PRKN: variants seen among roughly 807,000 people sequenced by gnomAD.
The protein encoded by PRKN is parkin RBR E3 ubiquitin protein ligase.
PRKN carries 56 observed loss-of-function variants against 59.5 expected under a neutral mutation model. That is an observed-to-expected ratio of 0.94 (90% CI 0.76 to 1.18). The LOEUF (loss-of-function observed/expected upper bound fraction) is 1.18. Among genes scored for constraint, PRKN ranks in the 50% most tolerant of loss-of-function variants. PRKN has a pLI of 0.00. For synonymous variants in PRKN, 250 were observed against 222.1 expected (o/e 1.13, Z -1.12); for missense variants, 657 against 596.4 (o/e 1.10, Z -1.06).
chr6:162,635,909 T>A (rs558300668), intron 1 of PRKN, among the ~76,000 whole-genome samples: 2 of 152,090 alleles, frequency 1.3e-5, no homozygotes, highest in Admixed American at 1.3e-4. Context: ...CGAGGCATGT[T>A]TGGAGAAAAA....
In PRKN at chr6:161,390,543, C is replaced by T. The variant is rs1401202249; in HGVS notation, c.1084-3666G>A. 6.6e-6 allele frequency among the ~76,000 whole-genome samples: 1 copy of T among 152,200 alleles called. No individual in the cohort carries two copies. Among genetic ancestry groups the T allele is most frequent in the East Asian group, 1.9e-4 (1 of 5,192 alleles). ...TTGCTCTGTTGCCCAGGCTGGAGTGCAGTGGCACCATCTCGGCTCACTGCA... is the reference window on the plus strand; with the variant it reads ...TTGCTCTGTTGCCCAGGCTGGAGTGTAGTGGCACCATCTCGGCTCACTGCA... On this transcript the variant is annotated intron_variant, in intron 9 of 11. Coordinates refer to ENST00000366898, the MANE Select transcript of PRKN (RefSeq NM_004562.3). The surrounding 1 kb of genome is among the most constrained non-coding windows in gnomAD (Gnocchi z 7.0).
chr6:161,564,063 A>T (rs1197536624), intron 8 of PRKN, among the ~76,000 whole-genome samples: 1 of 152,218 alleles, frequency 6.6e-6, no homozygotes, highest in Non-Finnish European at 1.5e-5. Flanking sequence ...CTTGTAACAG[A>T]CATTAATATA....
At chr6:161,791,014 T>C (rs906874466) in intron 6 of PRKN, among the ~76,000 whole-genome samples, 2 of 152,192 alleles carry the variant, frequency 1.3e-5, no homozygotes, top group Admixed American at 6.5e-5. Flanking sequence ...TATCCTCTCA[T>C]GGGTCTTTTG....
chr6:162,277,180 T>C (rs2128105312), intron 2 of PRKN, among the ~76,000 whole-genome samples: 1 of 152,238 alleles, frequency 6.6e-6, no homozygotes, highest in East Asian at 1.9e-4. Flanking sequence ...GGATCCAAGA[T>C]TGGTGGGAAT....
intron 1 of PRKN, among the ~76,000 whole-genome samples, chr6:162,576,850 A>G (rs112572858): frequency 6.7e-6 from 1 of 150,036 alleles, no homozygotes; most frequent in East Asian, 2.0e-4. Flanking sequence ...CTTATTGTAC[A>G]TTTTGAATAA....
chr6:161,926,052 G>A (rs1453945349), intron 6 of PRKN, among the ~76,000 whole-genome samples: 2 of 152,164 alleles, frequency 1.3e-5, no homozygotes, highest in Non-Finnish European at 2.9e-5. Context: ...TGCAGTAGAA[G>A]CTGAAGTAAG....
chr6:162,725,570 G>C (rs1353146167), intron 1 of PRKN, among the ~76,000 whole-genome samples: 1 of 151,814 alleles, frequency 6.6e-6, no homozygotes, highest in Non-Finnish European at 1.5e-5. Flanking sequence ...GACCAGCCTG[G>C]GCAACATTAT....
chr6:162,119,404 T>C (rs1780812221), intron 4 of PRKN, among the ~76,000 whole-genome samples: 1 of 152,138 alleles, frequency 6.6e-6, no homozygotes, highest in Non-Finnish European at 1.5e-5. Context: ...TCCAAACTCT[T>C]CCACACTCTG....
At chr6:162,352,406 AT>A (rs1784661768) in intron 2 of PRKN, among the ~76,000 whole-genome samples, 1 of 152,182 alleles carries the variant, frequency 6.6e-6, no homozygotes, top group Admixed American at 6.6e-5. Flanking sequence ...TGAACCATTT[AT>A]CTTTTATAGA....
intron 4 of PRKN, among the ~76,000 whole-genome samples, chr6:162,174,427 T>G (rs74534211): frequency 0.016 from 2,369 of 152,290 alleles, 56 homozygotes; most frequent in African/African-American, 0.046. Flanking sequence ...TTTTTGGTTC[T>G]GAGTGCACAC....
At chr6:161,523,065 C>CT (rs1439758456) in intron 9 of PRKN, among the ~76,000 whole-genome samples, 1 of 151,954 alleles carries the variant, frequency 6.6e-6, no homozygotes, top group Middle Eastern at 3.4e-3. Flanking sequence ...TATATTCTTG[C>CT]TTTTTAAAAA....
At chr6:162,698,020 A>G (rs1778027232) in intron 1 of PRKN, among the ~76,000 whole-genome samples, 1 of 152,302 alleles carries the variant, frequency 6.6e-6, no homozygotes, top group South Asian at 2.1e-4. Context: ...ACAAACAGCA[A>G]TTAGAGGAGA....
intron 1 of PRKN, among the ~76,000 whole-genome samples, chr6:162,638,887 G>T (rs1227978141): frequency 6.6e-6 from 1 of 151,820 alleles, no homozygotes. Flanking sequence ...TGGGATTACA[G>T]GCACCTGCCA....
At chr6:162,023,114 C>T (rs565951958) in intron 5 of PRKN, among the ~76,000 whole-genome samples, 12 of 151,930 alleles carry the variant, frequency 7.9e-5, no homozygotes, top group African/African-American at 2.9e-4. Context: ...AGCCCTGCTG[C>T]TCCAACCTCT....
chr6:161,917,796 G>C (rs1778627417), intron 6 of PRKN, among the ~76,000 whole-genome samples: 1 of 152,238 alleles, frequency 6.6e-6, no homozygotes, highest in Non-Finnish European at 1.5e-5. Context: ...CTGCTGCACA[G>C]AAGTAATATA....
chr6:162,477,388 G>A (rs576591760), intron 1 of PRKN, among the ~76,000 whole-genome samples: 6 of 152,212 alleles, frequency 3.9e-5, no homozygotes, highest in East Asian at 1.9e-4. Flanking sequence ...GAACTTCCAC[G>A]CGTGGGACTT....
In PRKN at chr6:162,642,532, T is replaced by C. The variant is rs148153597; in HGVS notation, c.7+85130A>G. The stretch of plus-strand genomic sequence containing the variant: ...TAAAATCATTGGTCAAAACTGTAAT[T>C]CAATATATTTGAAAACATTTCATAA... On this transcript the variant is annotated intron_variant, in intron 1 of 11. Coordinates refer to ENST00000366898, the MANE Select transcript of PRKN (RefSeq NM_004562.3). 6.4e-4 allele frequency among the ~76,000 whole-genome samples: 97 copies of C among 152,206 alleles called. 1 individual carries two copies. The highest frequency in any genetic ancestry group is 1.2e-3 in the Non-Finnish European group (83 of 67,968).
chr6:162,706,709 A>G (rs79843213), intron 1 of PRKN, among the ~76,000 whole-genome samples: 7,963 of 152,342 alleles, frequency 0.052, 330 homozygotes, highest in South Asian at 0.086. Context: ...AAATATCAGT[A>G]CTTAAAATAC....
chr6:161,792,319 A>G (rs1790670418), intron 6 of PRKN, among the ~76,000 whole-genome samples: 1 of 152,228 alleles, frequency 6.6e-6, no homozygotes, highest in African/African-American at 2.4e-5. Context: ...GAAGACCAGA[A>G]AAGAATTCAT....
Sources: gnomAD v4.1 joint callset for allele counts (sites outside exome capture counted in the v4.1 genomes callset) on GRCh38, gnomAD v4.1.1 for gene constraint, Gnocchi (gnomAD v3.1) non-coding constraint, MANE v1.5 for transcripts, NCBI Gene and HGNC (gene_info 2026-07-23, HGNC 2026-07-21) for gene names.